OCA2: variants seen among roughly 807,000 people sequenced by gnomAD.
The protein encoded by OCA2 is P protein.
A neutral mutation model predicts 100.2 loss-of-function variants in OCA2; 77 were observed. That is an observed-to-expected ratio of 0.77 (90% CI 0.64 to 0.93). The LOEUF is 0.93. Among genes scored for constraint, OCA2 ranks in the 40% least tolerant of loss-of-function variants. The probability of loss-of-function intolerance (pLI) is 0.00; values close to 1 mark genes in which losing one functional copy is unlikely to be tolerated. For synonymous variants in OCA2, 432 were observed against 439.2 expected, an observed-to-expected ratio of 0.98 and a Z score of 0.21; for missense variants, 1,062 against 1,089.1, an observed-to-expected ratio of 0.98 and a Z score of 0.35.
intron 9 of OCA2, among the ~76,000 whole-genome samples, chr15:27,998,583 A>AGTC (rs2141089878): frequency 6.8e-6 from 1 of 146,866 alleles, no homozygotes; most frequent in Non-Finnish European, 1.5e-5. Context: ...AAATAGGAAC[A>AGTC]CTTTTACACT....
chr15:28,039,160 T>TACAAAC (rs2043130513), intron 2 of OCA2, among the ~76,000 whole-genome samples: 1 of 110,664 alleles, frequency 9.0e-6, no homozygotes, highest in African/African-American at 6.9e-5. Context: ...AAATATATGA[T>TACAAAC]GCTGACAAAA....
intron 21 of OCA2, among the ~76,000 whole-genome samples, chr15:27,864,560 G>T (rs1377861265): frequency 6.6e-6 from 1 of 152,166 alleles, no homozygotes; most frequent in Non-Finnish European, 1.5e-5. Flanking sequence ...AGGGCTATGG[G>T]ATGGGGCGAG....
intron 21 of OCA2, among the ~76,000 whole-genome samples, chr15:27,860,937 C>T (rs2036107969): frequency 1.3e-5 from 2 of 152,204 alleles, no homozygotes; most frequent in Admixed American, 6.5e-5. Flanking sequence ...AGGAGAGGTG[C>T]AAGCCATCGC....
chr15:27,810,754 A>G (rs1477624378), intron 23 of OCA2, among the ~76,000 whole-genome samples: 1 of 152,262 alleles, frequency 6.6e-6, no homozygotes, highest in Admixed American at 6.5e-5. Flanking sequence ...ACAAATGGCC[A>G]ACAAACATAC....
chr15:27,939,017 G>A (rs2140478861), intron 18 of OCA2, among the ~76,000 whole-genome samples: 1 of 152,298 alleles, frequency 6.6e-6, no homozygotes, highest in South Asian at 2.1e-4. Context: ...CGCTTGCTGA[G>A]GCCATGGGGG....
chr15:28,076,853 C>CAAAAAAAA (rs575299612), intron 2 of OCA2, among the ~76,000 whole-genome samples: 5 of 60,704 alleles, frequency 8.2e-5, no homozygotes, highest in African/African-American at 2.1e-4. Context: ...GACTCCGTCT[C>CAAAAAAAA]AAAAAAAAAA....
At chr15:28,036,609 T>C (rs1247997514) in intron 2 of OCA2, among the ~76,000 whole-genome samples, 1 of 152,174 alleles carries the variant, frequency 6.6e-6, no homozygotes, top group Non-Finnish European at 1.5e-5. Context: ...TCTGCCCTCT[T>C]CTTCAACAGC....
chr15:27,962,930 TAA>T (rs1178017188), intron 15 of OCA2, among the ~76,000 whole-genome samples: 2 of 151,968 alleles, frequency 1.3e-5, no homozygotes, highest in African/African-American at 2.4e-5. Context: ...AAGTTAAAAG[TAA>T]AAAGATGGAA....
intron 23 of OCA2, among the ~76,000 whole-genome samples, chr15:27,806,032 G>C (rs1025767366): frequency 1.3e-5 from 2 of 152,220 alleles, no homozygotes; most frequent in Admixed American, 6.5e-5. Flanking sequence ...TTACAGTGCA[G>C]GTTTGTGACT....
At chr15:27,770,974 CCTTTCCTT>C (rs2031773973) in intron 23 of OCA2, among the ~76,000 whole-genome samples, 1 of 93,682 alleles carries the variant, frequency 1.1e-5, no homozygotes, top group African/African-American at 4.2e-5. Context: ...TCCCTCCCTT[CCTTTCCTT>C]CTTTCTTCCT....
chr15:27,796,495 G>A (rs563596719), intron 23 of OCA2, among the ~76,000 whole-genome samples: 6 of 152,094 alleles, frequency 3.9e-5, no homozygotes, highest in African/African-American at 7.2e-5. Context: ...GCTGGTGTCC[G>A]CCAGAGAGTG....
intron 16 of OCA2, among the ~76,000 whole-genome samples, chr15:27,955,918 G>C (rs1423934992): frequency 6.6e-6 from 1 of 152,120 alleles, no homozygotes; most frequent in Admixed American, 6.5e-5. Context: ...AAACCAATTA[G>C]GGAAAAGGGG....
chr15:27,976,169 A>G (rs2040959213), intron 14 of OCA2, among the ~76,000 whole-genome samples: 1 of 152,208 alleles, frequency 6.6e-6, no homozygotes, highest in South Asian at 2.1e-4. Context: ...TGTGGACTGC[A>G]CCAAATCTTC....
chr15:28,018,720 C>T (rs1404681104), intron 6 of OCA2, among the ~76,000 whole-genome samples, 163 bp from the exon 7 acceptor site: 2 of 152,204 alleles, frequency 1.3e-5, no homozygotes, highest in East Asian at 3.9e-4. Context: ...TTCTTATTAC[C>T]CACATCTCAG....
Position 27,892,554 on chromosome 15 carries a change from C to T in OCA2, c.2080-20632G>A, listed in dbSNP as rs62003802. ...CACATAGAAACATATAGGGTGCAAC[C>T]GAAATATAACTGTGACAAAACTTTA... On this transcript the variant is annotated intron_variant, in intron 19 of 23. Coordinates refer to ENST00000354638, the MANE Select transcript of OCA2 (RefSeq NM_000275.3). Among the ~76,000 whole-genome samples, 372 of 151,704 alleles carry T rather than the reference C, an allele frequency of 2.5e-3. 3 individuals carry two copies. The highest frequency in any genetic ancestry group is 4.1e-3 in the Non-Finnish European group (278 of 67,866).
chr15:27,800,995 G>A (rs1262858993), intron 23 of OCA2, among the ~76,000 whole-genome samples: 2 of 152,020 alleles, frequency 1.3e-5, no homozygotes, highest in African/African-American at 2.4e-5. Context: ...AAATCATAAT[G>A]CAAAACCTTC....
At chr15:27,722,047 G>A in the OCA2 span, among the ~76,000 whole-genome samples, 9 of 152,134 alleles carry the variant, frequency 5.9e-5, no homozygotes, top group Non-Finnish European at 8.8e-5. Context: ...TTAATGCTGC[G>A]TGGACATTTG....
At position 27,879,378 on chromosome 15, in the gene OCA2, G is replaced by C. The variant is rs190126485; in HGVS notation, c.2080-7456C>G. Among the ~76,000 whole-genome samples, 489 of 152,202 alleles carry C rather than the reference G, an allele frequency of 3.2e-3. 2 individuals are homozygous for C. Among genetic ancestry groups the C allele is most frequent in the African/African-American group, 0.011 (471 of 41,530 alleles). ...TCCTTTGGGTATATACCCAGCAATG[G>C]AATTGCTGGGTCAAATGGTATTTTG... On this transcript the variant is annotated intron_variant, in intron 19 of 23. Transcript: ENST00000354638.
At chr15:27,872,352 CAAAG>C (rs1466407837) in intron 19 of OCA2, among the ~76,000 whole-genome samples, 1 of 152,148 alleles carries the variant, frequency 6.6e-6, no homozygotes, top group Non-Finnish European at 1.5e-5. Flanking sequence ...TTGTAATCTT[CAAAG>C]AAAGAAAGGA....
Sources: gnomAD v4.1 joint callset for allele counts (sites outside exome capture counted in the v4.1 genomes callset) on GRCh38, gnomAD v4.1.1 for gene constraint, MANE v1.5 for transcripts, NCBI Gene and HGNC (gene_info 2026-07-23, HGNC 2026-07-21) for gene names.